TESK1: variants seen among roughly 807,000 people sequenced by gnomAD.
TESK1 encodes the protein testis associated actin remodelling kinase 1, also known as dual specificity testis-specific protein kinase 1.
In TESK1, 18 loss-of-function variants were observed where a neutral mutation model predicts 59.9. That is an observed-to-expected ratio of 0.30 (90% CI 0.21 to 0.45). TESK1 has a LOEUF of 0.45. Among genes scored for constraint, TESK1 ranks in the 20% least tolerant of loss-of-function variants. TESK1 has a pLI of 1.00. For synonymous variants in TESK1, 341 were observed against 357.4 expected (o/e 0.95, Z 0.52); for missense variants, 748 against 840.9 (o/e 0.89, Z 1.37).
chr9:35,606,368 G>C, intron 3 of TESK1, 83 bp downstream of exon 3: 1 of 1,541,870 alleles, frequency 6.5e-7, no homozygotes, highest in South Asian at 1.1e-5. Context: ...GTGGATCTAC[G>C]GAGGACTAGT....
chr9:35,607,893 A>C lies in TESK1; in HGVS notation c.712-35A>C, dbSNP rs1257043509. ...TCAAAATTCTGAAATGAAAACTGTT[A>C]ATTCTTCCCCGACACTATTATCTCT... is the stretch of plus-strand genomic sequence containing the variant. On this transcript the variant is annotated intron_variant, in intron 6 of 9. Transcript: ENST00000336395. The surrounding 1 kb of genome is among the most constrained non-coding windows in gnomAD (Gnocchi z 4.5). 3.1e-6 allele frequency: 5 copies of C among 1,605,458 alleles called. No homozygotes were observed. In the Admixed American group the frequency reaches 5.1e-5, roughly 16 times the overall value.
Position 35,607,227 on chromosome 9 carries a change from T to C in TESK1, c.538-100T>C. ...TGAAAAACTGGGAGAGCAGAGAGGG[T>C]TGGAGTTATGCTGGAGTGACAGGGC... On this transcript the variant is annotated intron_variant, in intron 4 of 9. Coordinates refer to ENST00000336395, the MANE Select transcript of TESK1 (RefSeq NM_006285.3). The surrounding 1 kb of genome is among the most constrained non-coding windows in gnomAD (Gnocchi z 4.5). 1 of 1,470,054 alleles carries C rather than the reference T, an allele frequency of 6.8e-7. No homozygotes were observed. The highest frequency in any genetic ancestry group is 1.1e-5 in the South Asian group (1 of 87,920). 91.1% of individuals were successfully genotyped at this position (1,470,054 alleles called of 1,614,324 possible).
At chr9:35,608,739 A>G in intron 9 of TESK1, 123 bp from the exon 10 acceptor site, 2 of 1,223,560 alleles carry the variant, frequency 1.6e-6, no homozygotes, top group East Asian at 2.3e-5. Flanking sequence ...CCCCTTTCCA[A>G]AGCACCAGGT....
chr9:35,608,795 T>C (rs1222157671), intron 9 of TESK1, 67 bp from the exon 10 acceptor site: 3 of 1,503,414 alleles, frequency 2.0e-6, no homozygotes, highest in Non-Finnish European at 1.8e-6. Flanking sequence ...TCCTGGAGAA[T>C]AGTGAGGCCC....
rs909654037 is a variant in TESK1, at chr9:35,609,101, A to G, written c.1240A>G (p.Thr414Ala). ...TGTGCCACCATCACCATTCCCATCC[A>G]CTCAGCTGCCCTTGGTGACCACTCC... ...PLVPPSPFPS[T>A]QLPLVTTPET... Residue 414 changes from threonine (T) to alanine (A), a missense_variant, in exon 10 of 10, where the codon ACT (threonine) becomes GCT (alanine). Physicochemically the swap from Thr to Ala is moderately conservative, Grantham distance 58 (BLOSUM62 0). This residue lies in a region of TESK1 where 447 missense variants were observed against 466.1 expected (regional missense o/e 0.96). Transcript: ENST00000336395. The surrounding 1 kb of genome is among the most constrained non-coding windows in gnomAD (Gnocchi z 6.7). 2 of 1,613,322 alleles carry G rather than the reference A, an allele frequency of 1.2e-6. No individual in the cohort carries two copies. Among genetic ancestry groups the G allele is most frequent in the Admixed American group, 3.3e-5 (2 of 59,932 alleles).
intron 7 of TESK1, 70 bp downstream of exon 7, chr9:35,608,081 G>A (rs777966167): frequency 6.2e-7 from 1 of 1,609,238 alleles, no homozygotes. Context: ...GGATTCCCTA[G>A]AGGTTGAGGT....
At position 35,605,639 on chromosome 9, in the gene TESK1, CA is replaced by C; in HGVS notation, c.21del (p.Leu8CysfsTer78). ...CCGGCCATGGCCGGGGAACGGCCCC[CA>C]CTGCGGGGCCCTGGGCCCGGGCCTG... MAGERPPLRGPGPGPGE... is the reference protein window; with the variant it reads MAGERPXLRGPGPGPGE... On this transcript the variant is annotated frameshift_variant, in exon 1 of 10. Transcript: ENST00000336395. LOFTEE classifies it high-confidence loss of function. 1 of 1,205,536 alleles carries C rather than the reference CA, an allele frequency of 8.3e-7. No homozygotes were observed. Among genetic ancestry groups the C allele is most frequent in the Non-Finnish European group, 1.0e-6 (1 of 967,282 alleles). 74.7% of individuals were successfully genotyped at this position (1,205,536 alleles called of 1,614,324 possible).
intron 8 of TESK1, 47 bp from the exon 9 acceptor site, chr9:35,608,348 C>T: frequency 1.2e-5 from 19 of 1,610,312 alleles, no homozygotes; most frequent in Non-Finnish European, 1.6e-5. Context: ...ACTCAGAGAC[C>T]CTCTTTCGGA....
At position 35,609,894 on chromosome 9, in the gene TESK1, CA is replaced by C; in HGVS notation, c.*153del. 1 of 923,790 alleles carries C rather than the reference CA, an allele frequency of 1.1e-6. No individual in the cohort carries two copies. The highest frequency in any genetic ancestry group is 1.5e-6 in the Non-Finnish European group (1 of 645,422). 57.2% of individuals were successfully genotyped at this position (923,790 alleles called of 1,614,324 possible). Reference sequence around the variant, plus strand: ...CCCAGCATGGACTCAAGGGACAGAGCACTTCCAGTCGACCCCCCGGCTCGCG... The same window carrying C: ...CCCAGCATGGACTCAAGGGACAGAGCCTTCCAGTCGACCCCCCGGCTCGCG... On this transcript the variant is annotated 3_prime_UTR_variant, in exon 10 of 10. Transcript: ENST00000336395. The surrounding 1 kb of genome is among the most constrained non-coding windows in gnomAD (Gnocchi z 6.7).
Position 35,605,709 on chromosome 9 carries a change from C to T in TESK1, c.90C>T (p.Gly30=), listed in dbSNP as rs1822831512. 1 of 1,528,694 alleles carries T rather than the reference C, an allele frequency of 6.5e-7. No individual in the cohort carries two copies. The highest frequency in any genetic ancestry group is 8.8e-7 in the Non-Finnish European group (1 of 1,137,758). 94.7% of individuals were successfully genotyped at this position (1,528,694 alleles called of 1,614,324 possible). Residue 30 remains glycine, a synonymous_variant, in exon 1 of 10, where the codon GGC becomes GGT. Coordinates refer to ENST00000336395, the MANE Select transcript of TESK1 (RefSeq NM_006285.3). ...GEGPPGPGGT[G]GGPGRGRPSS... is the part of the protein sequence containing the mutation. The stretch of plus-strand genomic sequence containing the variant: ...GGCCCCCGGGGCCGGGGGGCACGGG[C>T]GGAGGCCCGGGCCGGGGCCGCCCCT...
chr9:35,606,425 CT>C, intron 3 of TESK1, 140 bp downstream of exon 3: 1 of 999,102 alleles, frequency 1.0e-6, no homozygotes, highest in Non-Finnish European at 1.5e-6. Context: ...CTGAACTTTC[CT>C]TTAGGCAAAC....
In TESK1 at chr9:35,607,269, G is replaced by A. The variant is rs552594012; in HGVS notation, c.538-58G>A. The stretch of plus-strand genomic sequence containing the variant: ...TGACAGGGCTTTGGGTTATACATTG[G>A]GAGGCCAGACAGCAGAAGGTGATGA... On this transcript the variant is annotated intron_variant, in intron 4 of 9. Coordinates refer to ENST00000336395, the MANE Select transcript of TESK1 (RefSeq NM_006285.3). This position sits in a 1 kb window ranked among gnomAD's most constrained non-coding sequence, Gnocchi z 4.5. 2.1e-5 allele frequency: 34 copies of A among 1,599,076 alleles called. 1 individual carries two copies. In the South Asian group the frequency reaches 3.0e-4, roughly 14 times the overall value.
At chr9:35,605,952 G>C in intron 1 of TESK1, 32 bp from the exon 2 acceptor site, 1 of 1,611,834 alleles carries the variant, frequency 6.2e-7, no homozygotes, top group Non-Finnish European at 8.5e-7. Context: ...CGCCCGACCT[G>C]CCCGGCCCTC....
intron 1 of TESK1, 41 bp from the exon 2 acceptor site, chr9:35,605,943 G>C: frequency 6.2e-7 from 1 of 1,610,636 alleles, no homozygotes; most frequent in Middle Eastern, 1.8e-4. Flanking sequence ...CCGGCGACCC[G>C]CCCGACCTGC....
In TESK1 at chr9:35,606,972, C is replaced by T. The variant is rs777237987; in HGVS notation, c.526C>T (p.Leu176Phe). The T allele has an allele frequency of 1.9e-6, 3 of 1,598,488 alleles. No homozygotes were observed. The highest frequency in any genetic ancestry group is 1.7e-6 in the Non-Finnish European group (2 of 1,170,938). Residue 176 changes from leucine (L) to phenylalanine (F), a missense_variant, in exon 4 of 10, where the codon CTC (leucine) becomes TTC (phenylalanine). Physicochemically the swap from Leu to Phe is conservative, Grantham distance 22. Coordinates refer to ENST00000336395, the MANE Select transcript of TESK1 (RefSeq NM_006285.3). ...LHSKGVFHRD[L>F]TSKNCLVRRE... is the part of the protein sequence containing the mutation. ...CTCCAAAGGTGTATTTCACCGCGAC[C>T]TCACATCCAAGGTAGGCTAGCAGGG...
At position 35,608,850 on chromosome 9, in the gene TESK1, C is replaced by A. The variant is rs767590042; in HGVS notation, c.1001-12C>A. The A allele has an allele frequency of 2.0e-5, 31 of 1,562,518 alleles. No individual in the cohort carries two copies. The Middle Eastern group carries it at 6.9e-4, about 35-fold the overall frequency. ...TGCTGAGGACAGTGATTCCAGACTTCTCTATCTACAGGCTCTGTTGCAAGA... is the reference window on the plus strand; with the variant it reads ...TGCTGAGGACAGTGATTCCAGACTTATCTATCTACAGGCTCTGTTGCAAGA... On this transcript the variant is annotated splice_polypyrimidine_tract_variant and intron_variant, in intron 9 of 9. Coordinates refer to ENST00000336395, the MANE Select transcript of TESK1 (RefSeq NM_006285.3).
rs774051936 is a variant in TESK1, at chr9:35,608,141, C to A, written c.796-19C>A. ...CCCAAGAAAAGCTGACTTGGAGGTC[C>A]CTCCTTCTGTCCCCACAGGACTTTG... On this transcript the variant is annotated intron_variant, in intron 7 of 9. Transcript: ENST00000336395. The A allele has an allele frequency of 2.5e-5, 40 of 1,613,452 alleles. No individual in the cohort carries two copies. In the South Asian group the frequency reaches 4.0e-4, roughly 16 times the overall value.
rs141508580 is a variant in TESK1 at position 35,609,708 on chromosome 9, C to T, written c.1847C>T (p.Thr616Ile). The T allele has an allele frequency of 5.0e-6, 8 of 1,599,704 alleles. No homozygotes were observed. Among genetic ancestry groups the T allele is most frequent in the South Asian group, 2.2e-5 (2 of 90,820 alleles). The change falls in exon 10 of 10, where the codon ACA (threonine) becomes ATA (isoleucine). Residue 616 changes from threonine (T) to isoleucine (I), a missense_variant. Around this residue, in one of 3 missense-constraint regions of TESK1, gnomAD observed 447 missense variants for 466.1 expected, o/e 0.96. Coordinates refer to ENST00000336395, the MANE Select transcript of TESK1 (RefSeq NM_006285.3). This position sits in a 1 kb window ranked among gnomAD's most constrained non-coding sequence, Gnocchi z 6.7. ...CHRGHHAKPP[T>I]PSLQLPGARS ...CGAGGGCACCACGCCAAGCCACCCACACCCAGCCTGCAGCTGCCTGGGGCA... is the reference window on the plus strand; with the variant it reads ...CGAGGGCACCACGCCAAGCCACCCATACCCAGCCTGCAGCTGCCTGGGGCA...
intron 9 of TESK1, 147 bp from the exon 10 acceptor site, chr9:35,608,715 T>TG (rs1822900152): frequency 1.9e-6 from 2 of 1,026,580 alleles, no homozygotes; most frequent in African/African-American, 3.2e-5. Flanking sequence ...AAAAGGGGCC[T>TG]GGAGATGACA....
Sources: gnomAD v4.1 joint callset for allele counts on GRCh38, gnomAD v4.1.1 for gene constraint, gnomAD v4.1.1 regional missense constraint, Gnocchi (gnomAD v3.1) non-coding constraint, MANE v1.5 for transcripts, NCBI Gene and HGNC (gene_info 2026-07-23, HGNC 2026-07-21) for gene names.